Variants in RBBP8 observed in about 807,000 individuals in gnomAD.
The protein encoded by RBBP8 is DNA endonuclease RBBP8.
A neutral mutation model predicts 108.3 loss-of-function variants in RBBP8; 88 were observed. The observed-to-expected ratio is 0.81, with a 90% CI of 0.68 to 0.97. RBBP8 has a LOEUF of 0.97. Ranked by LOEUF, RBBP8 falls within the 50% of genes least tolerant of loss-of-function variation. The probability of loss-of-function intolerance (pLI) is 0.00; values close to 1 mark genes in which losing one functional copy is unlikely to be tolerated. For missense variants in RBBP8, 1,023 were observed against 1,049.0 expected, an observed-to-expected ratio of 0.98 and a Z score of 0.34; for synonymous variants, 332 against 348.2, an observed-to-expected ratio of 0.95 and a Z score of 0.52.
chr18:23,013,136 C>T lies in RBBP8; in HGVS notation c.2358-3692C>T, dbSNP rs548376701. 9.9e-5 allele frequency among the ~76,000 whole-genome samples: 15 copies of T among 151,018 alleles called. No individual in the cohort carries two copies. The South Asian group carries it at 3.1e-3, about 32-fold the overall frequency. ...CAACAGTTGTTTTTTCTTTTTTTCC[C>T]ACCATACAAATAGAGCTGATTCACT... On this transcript the variant is annotated intron_variant, in intron 16 of 18. Transcript: ENST00000327155.
Position 23,026,285 on chromosome 18 carries a change from T to C in RBBP8, c.*45T>C. The C allele has an allele frequency of 6.7e-7, 1 of 1,496,356 alleles. No homozygotes were observed. The highest frequency in any genetic ancestry group is 9.3e-7 in the Non-Finnish European group (1 of 1,076,418). 92.7% of individuals were successfully genotyped at this position (1,496,356 alleles called of 1,614,324 possible). A position where few individuals can be genotyped will look rare whatever the true frequency, so the allele number is the denominator to read the frequency against. On this transcript the variant is annotated 3_prime_UTR_variant, in exon 19 of 19. Coordinates refer to ENST00000327155, the MANE Select transcript of RBBP8 (RefSeq NM_002894.3). ...AGGATGAAGGACAGTTTTTTCCTTC[T>C]TAGTTATTTATAGTTAAAGTTGGTA... is the stretch of plus-strand genomic sequence containing the variant.
At chr18:22,977,402 G>A (rs1001994490) in intron 6 of RBBP8, among the ~76,000 whole-genome samples, 1 of 151,850 alleles carries the variant, frequency 6.6e-6, no homozygotes, top group Non-Finnish European at 1.5e-5. Context: ...GTTACAAGAT[G>A]GCTTATATGA....
At chr18:22,990,486 A>G (rs1390943234) in intron 9 of RBBP8, among the ~76,000 whole-genome samples, 1 of 152,200 alleles carries the variant, frequency 6.6e-6, no homozygotes, top group East Asian at 1.9e-4. Flanking sequence ...TAAAACATTG[A>G]GGCTTTTCTC....
rs1257939257 is a variant in RBBP8 at position 22,973,630 on chromosome 18, C to T, written c.362-1523C>T. Among the ~76,000 whole-genome samples the T allele has an allele frequency of 4.6e-5, 7 of 152,168 alleles. No homozygotes were observed. In the East Asian group the frequency reaches 1.2e-3, roughly 25 times the overall value. On this transcript the variant is annotated intron_variant, in intron 5 of 18. Transcript: ENST00000327155. ...TATATGTACTAACAAATCAGTCTTCCCATCATTCATCTATAAAAAATGATT... is the reference window on the plus strand; with the variant it reads ...TATATGTACTAACAAATCAGTCTTCTCATCATTCATCTATAAAAAATGATT...
rs1046593796 is a variant in RBBP8, at chr18:22,997,729, G to A, written c.2138G>A (p.Ser713Asn). Residue 713 changes from serine (S) to asparagine (N), a missense_variant, in exon 14 of 19, where the codon AGT (serine) becomes AAT (asparagine). Ser to Asn is a conservative substitution (Grantham distance 46). Coordinates refer to ENST00000327155, the MANE Select transcript of RBBP8 (RefSeq NM_002894.3). ...MKKQEQKGEK[S>N]SNEERKMNDS... ...AAGCAAGAGCAGAAGGGAGAAAAAA[G>A]TTCAAGTAAGATCTGTTTTTGTTTT... is the stretch of plus-strand genomic sequence containing the variant. 5.1e-6 allele frequency: 8 copies of A among 1,573,288 alleles called. No homozygotes were observed. The African/African-American group carries it at 1.1e-4, about 21-fold the overall frequency.
At chr18:22,949,909 C>T (rs1911895893) in intron 4 of RBBP8, 196 bp downstream of exon 4, 1 of 540,356 alleles carries the variant, frequency 1.9e-6, no homozygotes, top group Non-Finnish European at 3.3e-6. Context: ...CATCAGTTTA[C>T]CCTTTAAATG....
intron 18 of RBBP8, 63 bp downstream of exon 18, chr18:23,022,333 G>T: frequency 6.7e-7 from 1 of 1,489,616 alleles, no homozygotes; most frequent in Non-Finnish European, 9.2e-7. Flanking sequence ...GGGCACAGTG[G>T]CTCACGCCTA....
At position 22,962,213 on chromosome 18, in the gene RBBP8, C is replaced by T. The variant is rs150318842; in HGVS notation, c.249-6593C>T. 3.2e-4 allele frequency among the ~76,000 whole-genome samples: 48 copies of T among 152,224 alleles called. 1 individual carries two copies. In the East Asian group the frequency reaches 6.8e-3, roughly 21 times the overall value. ...TCAGATATTTAGACAGCTGTCAGCC[C>T]TCAGTACCCTTCTGACTTTTTTTTT... On this transcript the variant is annotated intron_variant, in intron 4 of 18. Transcript: ENST00000327155.
At chr18:22,995,831 G>T (rs2045847312) in intron 12 of RBBP8, among the ~76,000 whole-genome samples, 1 of 152,070 alleles carries the variant, frequency 6.6e-6, no homozygotes, top group Admixed American at 6.6e-5. Flanking sequence ...TTGCTATTAT[G>T]AACAATGCTG....
chr18:22,960,913 G>A (rs1175675253), intron 4 of RBBP8, among the ~76,000 whole-genome samples: 3 of 152,186 alleles, frequency 2.0e-5, no homozygotes, highest in Non-Finnish European at 4.4e-5. Context: ...GAGTTGTTGA[G>A]ATACTCGTTC....
chr18:23,025,864 T>C (rs1048517263), intron 18 of RBBP8, among the ~76,000 whole-genome samples: 1 of 152,196 alleles, frequency 6.6e-6, no homozygotes, highest in Non-Finnish European at 1.5e-5. Context: ...TGGGTCTCTA[T>C]TACCTCATCT....
chr18:23,022,592 A>G (rs1194808035), intron 18 of RBBP8, among the ~76,000 whole-genome samples: 2 of 100,650 alleles, frequency 2.0e-5, no homozygotes, highest in Non-Finnish European at 3.6e-5. Flanking sequence ...ACAGAACAAG[A>G]CTCTGTCTCA....
At chr18:22,957,782 C>A (rs1300877314) in intron 4 of RBBP8, among the ~76,000 whole-genome samples, 1 of 152,086 alleles carries the variant, frequency 6.6e-6, no homozygotes, top group Admixed American at 6.6e-5. Context: ...CAAAAATTGA[C>A]CCTTTTTCAC....
At chr18:22,989,942 T>C (rs1344532322) in intron 9 of RBBP8, among the ~76,000 whole-genome samples, 1 of 152,214 alleles carries the variant, frequency 6.6e-6, no homozygotes, top group African/African-American at 2.4e-5. Context: ...GTGTTGAGAT[T>C]ACAGGTGTGA....
At chr18:22,949,845 T>A in intron 4 of RBBP8, 132 bp downstream of exon 4, 1 of 663,270 alleles carries the variant, frequency 1.5e-6, no homozygotes, top group Non-Finnish European at 2.7e-6. Flanking sequence ...TTTGAATGAA[T>A]ACTTTATGAA....
chr18:22,959,011 C>T (rs1235419592), intron 4 of RBBP8, among the ~76,000 whole-genome samples: 1 of 152,184 alleles, frequency 6.6e-6, no homozygotes, highest in Non-Finnish European at 1.5e-5. Context: ...TCAACAAATA[C>T]TTAATGAACC....
intron 17 of RBBP8, among the ~76,000 whole-genome samples, chr18:23,017,611 A>C (rs533087055): frequency 1.3e-5 from 2 of 149,838 alleles, no homozygotes; most frequent in East Asian, 4.0e-4. Context: ...CCGAGATTGC[A>C]CCACTGCACT....
chr18:22,991,538 G>A (rs7234202), intron 10 of RBBP8, among the ~76,000 whole-genome samples: 29,572 of 152,040 alleles, frequency 0.19, 4,124 homozygotes, highest in African/African-American at 0.4. Context: ...GCTCAAGTCC[G>A]TTACATAAAA....
intron 7 of RBBP8, among the ~76,000 whole-genome samples, chr18:22,983,458 T>TA (rs1915091783): frequency 6.6e-6 from 1 of 152,186 alleles, no homozygotes; most frequent in South Asian, 2.1e-4. Flanking sequence ...GGAGCTAAGT[T>TA]AAAATGTAAA....
Sources: allele counts gnomAD v4.1 joint callset (sites outside exome capture counted in the v4.1 genomes callset), GRCh38; gene constraint gnomAD v4.1.1; transcripts MANE v1.5; gene names NCBI Gene and HGNC (gene_info 2026-07-23, HGNC 2026-07-21).